The following CSMD1 variants were observed in gnomAD, a reference collection of about 807,000 sequenced individuals.
CSMD1 encodes CUB and sushi domain-containing protein 1.
CSMD1 carries 213 observed loss-of-function variants against 417.5 expected under a neutral mutation model. The observed-to-expected ratio is 0.51, with a 90% confidence interval of 0.46 to 0.57. CSMD1 has a LOEUF of 0.57. Ranked by LOEUF, CSMD1 falls within the 20% of genes least tolerant of loss-of-function variation. The probability of loss-of-function intolerance (pLI) is 0.00; values close to 1 mark genes in which losing one functional copy is unlikely to be tolerated. For synonymous variants in CSMD1, 2,862 were observed against 1,736.8 expected (o/e 1.65, Z -16.11); for missense variants, 6,923 against 4,529.7 (o/e 1.53, Z -15.17).
intron 3 of CSMD1, among the ~76,000 whole-genome samples, chr8:4,419,704 T>G (rs2128939515): frequency 6.6e-6 from 1 of 152,230 alleles, no homozygotes; most frequent in African/African-American, 2.4e-5. Flanking sequence ...TCGCTACAAA[T>G]TAACCAAAAC....
chr8:4,339,729 A>G (rs1464673000), intron 3 of CSMD1, among the ~76,000 whole-genome samples: 1 of 152,104 alleles, frequency 6.6e-6, no homozygotes, highest in Non-Finnish European at 1.5e-5. Context: ...AGGACGGTAT[A>G]CGAAGTAGAA....
intron 53 of CSMD1, among the ~76,000 whole-genome samples, chr8:2,999,512 G>A (rs954157875): frequency 1.3e-5 from 2 of 152,098 alleles, no homozygotes; most frequent in Admixed American, 1.3e-4. Context: ...TATTCTTGAC[G>A]AAGCAATGAC....
Position 4,907,557 on chromosome 8 carries a change from T to C in CSMD1, c.85+86775A>G, listed in dbSNP as rs574622257. 2.7e-3 allele frequency among the ~76,000 whole-genome samples: 415 copies of C among 152,088 alleles called. 2 individuals are homozygous for C. The highest frequency in any genetic ancestry group is 0.01 in the Middle Eastern group (3 of 294). On this transcript the variant is annotated intron_variant, in intron 1 of 69. Transcript: ENST00000635120. ...TATTTTTGGTTTGTGTTTCTTTTTG[T>C]TGTTGTTTTATTGGTTTTTTGAGAC...
At chr8:3,240,845 G>C (rs375208343) in intron 26 of CSMD1, among the ~76,000 whole-genome samples, 1 of 152,162 alleles carries the variant, frequency 6.6e-6, no homozygotes, top group Non-Finnish European at 1.5e-5. Context: ...TCTGGTTCTA[G>C]AACAGGTAAA....
intron 54 of CSMD1, among the ~76,000 whole-genome samples, chr8:2,996,532 T>G (rs1806910205): frequency 6.6e-6 from 1 of 152,216 alleles, no homozygotes; most frequent in Non-Finnish European, 1.5e-5. Context: ...TGCAGTAAAC[T>G]CAGCTCTGCT....
intron 7 of CSMD1, among the ~76,000 whole-genome samples, chr8:3,643,570 G>A (rs1484379276): frequency 7.9e-5 from 12 of 151,810 alleles, no homozygotes; most frequent in East Asian, 5.8e-4. Flanking sequence ...GCGTGGTGGC[G>A]GGCGCCTGTA....
chr8:4,005,247 T>G (rs920783701), intron 4 of CSMD1, among the ~76,000 whole-genome samples: 1 of 151,560 alleles, frequency 6.6e-6, no homozygotes, highest in African/African-American at 2.4e-5. Flanking sequence ...AACTTACTTA[T>G]GTAACCAAAC....
intron 3 of CSMD1, among the ~76,000 whole-genome samples, chr8:4,164,578 G>C (rs1228182977): frequency 6.6e-6 from 1 of 152,022 alleles, no homozygotes; most frequent in African/African-American, 2.4e-5. Context: ...AAATCTTCTT[G>C]AATGTTTTCA....
intron 10 of CSMD1, among the ~76,000 whole-genome samples, chr8:3,556,415 TCA>T (rs1324297977): frequency 8.8e-5 from 5 of 57,096 alleles, no homozygotes; most frequent in Non-Finnish European, 2.1e-4. Context: ...ATATATATAT[TCA>T]CACACACAAA....
At chr8:4,401,868 C>T (rs1309676933) in intron 3 of CSMD1, among the ~76,000 whole-genome samples, 2 of 152,088 alleles carry the variant, frequency 1.3e-5, no homozygotes, top group South Asian at 2.1e-4. Context: ...CCCAAATTCC[C>T]AGCTTTGACT....
At chr8:3,214,426 C>A in intron 30 of CSMD1, 71 bp downstream of exon 30, 1 of 1,307,688 alleles carries the variant, frequency 7.6e-7, no homozygotes, top group South Asian at 1.5e-5. Context: ...AATGTGAAAC[C>A]ATTTCTTCAA....
At chr8:4,462,942 A>C (rs1445974370) in intron 2 of CSMD1, among the ~76,000 whole-genome samples, 1 of 152,216 alleles carries the variant, frequency 6.6e-6, no homozygotes, top group Admixed American at 6.5e-5. Flanking sequence ...AAGCACAAGA[A>C]AAGAATTAAC....
intron 5 of CSMD1, among the ~76,000 whole-genome samples, chr8:3,888,216 G>C (rs533275179): frequency 2.0e-5 from 3 of 152,198 alleles, no homozygotes; most frequent in South Asian, 2.1e-4. Flanking sequence ...TCAAAACCTA[G>C]ACATAAAGTT....
At position 3,064,925 on chromosome 8, in the gene CSMD1, G is replaced by T. The variant is rs150845411; in HGVS notation, c.7475-12278C>A. On this transcript the variant is annotated intron_variant, in intron 49 of 69. Transcript: ENST00000635120. ...CTTTTATTCCCAGGGTATAAGCAAT[G>T]TGGAAGGGAGAAAATTAGAGAACAA... is the stretch of plus-strand genomic sequence containing the variant. Among the ~76,000 whole-genome samples the T allele has an allele frequency of 2.3e-3, 349 of 152,228 alleles. 1 individual carries two copies. Among genetic ancestry groups the T allele is most frequent in the African/African-American group, 8.0e-3 (334 of 41,542 alleles).
At chr8:4,124,196 G>C (rs978930279) in intron 3 of CSMD1, among the ~76,000 whole-genome samples, 1 of 152,096 alleles carries the variant, frequency 6.6e-6, no homozygotes, top group South Asian at 2.1e-4. Context: ...TGGGCAGTAC[G>C]ACCAGGAGGA....
intron 5 of CSMD1, among the ~76,000 whole-genome samples, chr8:3,950,131 C>G (rs556408008): frequency 1.3e-5 from 2 of 152,224 alleles, no homozygotes; most frequent in African/African-American, 2.4e-5. Context: ...GTTACACTGA[C>G]CTGCATTTAT....
chr8:3,511,095 C>G (rs999514219), intron 10 of CSMD1, among the ~76,000 whole-genome samples: 4 of 151,714 alleles, frequency 2.6e-5, no homozygotes, highest in South Asian at 2.1e-4. Context: ...ATGGATGAAG[C>G]TGGAAACCAT....
At chr8:4,008,896 C>A (rs1203383455) in intron 4 of CSMD1, among the ~76,000 whole-genome samples, 2 of 150,046 alleles carry the variant, frequency 1.3e-5, no homozygotes, top group East Asian at 3.9e-4. Context: ...AGGCGTGAGC[C>A]ACCGCGCCCA....
chr8:3,976,760 A>G (rs1197200080), intron 5 of CSMD1, among the ~76,000 whole-genome samples: 61 of 152,186 alleles, frequency 4.0e-4, no homozygotes, highest in Admixed American at 3.9e-3. Context: ...AACATTTTGT[A>G]GAGAATGAAA....
Sources: allele counts gnomAD v4.1 joint callset (sites outside exome capture counted in the v4.1 genomes callset), GRCh38; gene constraint gnomAD v4.1.1; transcripts MANE v1.5; gene names NCBI Gene and HGNC (gene_info 2026-07-23, HGNC 2026-07-21).